FIRRM: variants seen among roughly 807,000 people sequenced by gnomAD.
FIRRM encodes FIGNL1-interacting regulator of recombination and mitosis.
the FIRRM span, chr1:169,837,041 A>C: frequency 1.9e-6 from 3 of 1,613,322 alleles, no homozygotes; most frequent in Non-Finnish European, 2.5e-6. Context: ...CCATGAGGTC[A>C]CCACAGTAGG....
the FIRRM span, among the ~76,000 whole-genome samples, chr1:169,837,800 T>C: frequency 6.6e-6 from 1 of 152,204 alleles, no homozygotes. Context: ...AAAGCAAAGA[T>C]AAGGATAGGG....
chr1:169,795,228 T>C, the FIRRM span: 7 of 1,534,160 alleles, frequency 4.6e-6, no homozygotes, highest in African/African-American at 9.6e-5. Flanking sequence ...CCTTCCTTGG[T>C]TGTCACTTCT....
chr1:169,835,585 T>C, the FIRRM span, among the ~76,000 whole-genome samples: 2 of 152,220 alleles, frequency 1.3e-5, no homozygotes, highest in African/African-American at 4.8e-5. Flanking sequence ...CCTTTTACTT[T>C]AGTCTTTTAT....
chr1:169,831,272 C>A, the FIRRM span, among the ~76,000 whole-genome samples: 961 of 152,216 alleles, frequency 6.3e-3, 10 homozygotes, highest in African/African-American at 0.022. Context: ...TTAACATTAA[C>A]ATTTTTTGCT....
chr1:169,812,856 CAA>C, the FIRRM span, among the ~76,000 whole-genome samples: 7 of 114,088 alleles, frequency 6.1e-5, no homozygotes, highest in Admixed American at 9.1e-5. Context: ...GACTCCATCT[CAA>C]AAAAAAAAAA....
the FIRRM span, chr1:169,806,061 A>G: frequency 1.3e-6 from 2 of 1,597,772 alleles, no homozygotes; most frequent in Non-Finnish European, 1.7e-6. Context: ...CATGCATTTC[A>G]TGCCAATACT....
At chr1:169,813,917 A>T in the FIRRM span, among the ~76,000 whole-genome samples, 10 of 152,276 alleles carry the variant, frequency 6.6e-5, no homozygotes, top group East Asian at 1.9e-3. Context: ...TTTGGGAGAA[A>T]TGTTTTGTGC....
the FIRRM span, among the ~76,000 whole-genome samples, chr1:169,791,584 C>T: frequency 6.6e-6 from 1 of 152,132 alleles, no homozygotes; most frequent in Non-Finnish European, 1.5e-5. Context: ...GTTATGAATA[C>T]TTAATGTTAA....
chr1:169,788,214 A>C, the FIRRM span, among the ~76,000 whole-genome samples: 1 of 152,170 alleles, frequency 6.6e-6, no homozygotes, highest in Non-Finnish European at 1.5e-5. Context: ...TTTGAATTGC[A>C]TGGTCAGTTA....
the FIRRM span, among the ~76,000 whole-genome samples, chr1:169,848,519 A>G: frequency 1.3e-5 from 2 of 152,250 alleles, no homozygotes; most frequent in African/African-American, 4.8e-5. Context: ...CAGAACATGT[A>G]GATTAAACTC....
At chr1:169,830,454 T>C in the FIRRM span, 1 of 1,052,514 alleles carries the variant, frequency 9.5e-7, no homozygotes, top group South Asian at 1.5e-5. Context: ...CCTTTAAAAA[T>C]AATTCCCAAA....
the FIRRM span, chr1:169,793,416 G>A: frequency 1.9e-6 from 3 of 1,614,150 alleles, no homozygotes; most frequent in South Asian, 2.2e-5. Flanking sequence ...AAGGAGGGCT[G>A]TTTTCCATGT....
the FIRRM span, chr1:169,853,832 C>T: frequency 2.2e-4 from 347 of 1,580,510 alleles, no homozygotes; most frequent in African/African-American, 6.1e-4. Context: ...AAAAATCATA[C>T]GCAAATTTGA....
At chr1:169,819,740 C>A in the FIRRM span, among the ~76,000 whole-genome samples, 1 of 152,132 alleles carries the variant, frequency 6.6e-6, no homozygotes, top group Non-Finnish European at 1.5e-5. Context: ...ATATTTCTGG[C>A]TTTTGAACGT....
the FIRRM span, chr1:169,806,073 G>T: frequency 6.3e-7 from 1 of 1,586,470 alleles, no homozygotes; most frequent in Non-Finnish European, 8.6e-7. Context: ...GCCAATACTT[G>T]GAAGTTTATA....
the FIRRM span, among the ~76,000 whole-genome samples, chr1:169,835,731 T>A: frequency 1.3e-5 from 2 of 152,186 alleles, no homozygotes; most frequent in Admixed American, 6.5e-5. Flanking sequence ...CAGGACATTA[T>A]TTTTTTAGTT....
the FIRRM span, chr1:169,800,912 T>G: frequency 6.3e-7 from 1 of 1,593,894 alleles, no homozygotes; most frequent in Non-Finnish European, 8.6e-7. Context: ...AGAAATGTTT[T>G]TACCTCATAT....
At chr1:169,804,270 A>T in the FIRRM span, 2 of 1,371,396 alleles carry the variant, frequency 1.5e-6, no homozygotes, top group East Asian at 5.2e-5. Context: ...TGCTTAGTAT[A>T]TGGTGACTAT....
chr1:169,844,178 A>C, the FIRRM span, among the ~76,000 whole-genome samples: 1 of 152,242 alleles, frequency 6.6e-6, no homozygotes, highest in South Asian at 2.1e-4. Flanking sequence ...CTTTGAAAAA[A>C]TAAAATTATT....
Sources: allele counts gnomAD v4.1 joint callset (sites outside exome capture counted in the v4.1 genomes callset), GRCh38; gene constraint gnomAD v4.1.1; transcripts MANE v1.5; gene names NCBI Gene and HGNC (gene_info 2026-07-23, HGNC 2026-07-21).